The following SHANK2 variants were observed in gnomAD, a reference collection of about 807,000 sequenced individuals.
SHANK2 encodes the protein SH3 and multiple ankyrin repeat domains protein 2.
SHANK2 carries 43 observed loss-of-function variants against 133.7 expected under a neutral mutation model. The ratio of observed to expected loss-of-function variants is 0.32; its 90% confidence interval spans 0.25 to 0.41. The LOEUF (loss-of-function observed/expected upper bound fraction) is 0.41, where lower values mean the gene tolerates loss of function less well. Ranked by LOEUF, SHANK2 falls within the 10% of genes least tolerant of loss-of-function variation. The probability of loss-of-function intolerance (pLI) is 1.00; values close to 1 mark genes in which losing one functional copy is unlikely to be tolerated. For missense variants in SHANK2, 1,994 were observed against 2,235.8 expected (o/e 0.89, Z 2.18); for synonymous variants, 1,017 against 952.8 (o/e 1.07, Z -1.24).
At chr11:70,806,400 T>TCACACA (rs1261746334) in intron 13 of SHANK2, among the ~76,000 whole-genome samples, 16 of 152,246 alleles carry the variant, frequency 1.1e-4, no homozygotes, top group Non-Finnish European at 1.9e-4. Flanking sequence ...ACTTTTATCT[T>TCACACA]CCTGCAGTGC....
intron 2 of SHANK2, among the ~76,000 whole-genome samples, chr11:71,152,164 G>C (rs1162332357): frequency 6.6e-6 from 1 of 152,212 alleles, no homozygotes; most frequent in Non-Finnish European, 1.5e-5. Context: ...CCAGGCCAGA[G>C]TGCAGGGGTG....
At chr11:70,534,598 G>A (rs952922339) in intron 17 of SHANK2, among the ~76,000 whole-genome samples, 2 of 152,176 alleles carry the variant, frequency 1.3e-5, no homozygotes, top group Non-Finnish European at 2.9e-5. Flanking sequence ...AGGTGTCCTG[G>A]TCTGCAGTCT....
Position 70,861,338 on chromosome 11 carries a change from G to A in SHANK2, c.1174+35163C>T, listed in dbSNP as rs372224763. On this transcript the variant is annotated intron_variant, in intron 11 of 25. Coordinates refer to ENST00000601538, the MANE Select transcript of SHANK2 (RefSeq NM_012309.5). ...ATGCTTTTAAAACACTATAAAACAA[G>A]GTCTGTAATGGCTCTGATGCCTCAA... is the stretch of plus-strand genomic sequence containing the variant. Among the ~76,000 whole-genome samples, 6 of 152,244 alleles carry A rather than the reference G, an allele frequency of 3.9e-5. No individual in the cohort carries two copies. In the East Asian group the frequency reaches 5.8e-4, roughly 15 times the overall value.
chr11:71,178,798 ACACGGTGAAACAC>A (rs367676811), intron 2 of SHANK2, among the ~76,000 whole-genome samples: 481 of 152,280 alleles, frequency 3.2e-3, no homozygotes, highest in Non-Finnish European at 5.3e-3. Flanking sequence ...AGCCTGGCCA[ACACGGTGAAACAC>A]TGTCTCTACT....
At chr11:71,086,384 TATATG>T (rs1279546003) in intron 8 of SHANK2, among the ~76,000 whole-genome samples, 149 of 130,558 alleles carry the variant, frequency 1.1e-3, no homozygotes, top group African/African-American at 3.6e-3. Context: ...ACATTTATAA[TATATG>T]ATATATGATA....
At chr11:70,690,286 C>T (rs1402779735) in intron 15 of SHANK2, among the ~76,000 whole-genome samples, 1 of 151,838 alleles carries the variant, frequency 6.6e-6, no homozygotes, top group Non-Finnish European at 1.5e-5. Flanking sequence ...CAATCAGAAA[C>T]TCCAGGAAAA....
rs2058580007 is a variant in SHANK2, at chr11:70,470,124, G to C, written c.*2745C>G. The C allele has an allele frequency of 6.6e-6, 1 of 152,636 alleles. No homozygotes were observed. 9.5% of individuals were successfully genotyped at this position (152,636 alleles called of 1,614,324 possible). ...CATGTCCCAAAGGGGGAGAACAGTGGGTGGTGATTTGAATGAGGAACTATT... is the reference window on the plus strand; with the variant it reads ...CATGTCCCAAAGGGGGAGAACAGTGCGTGGTGATTTGAATGAGGAACTATT... On this transcript the variant is annotated 3_prime_UTR_variant, in exon 26 of 26. Coordinates refer to ENST00000601538, the MANE Select transcript of SHANK2 (RefSeq NM_012309.5).
At position 70,911,358 on chromosome 11, in the gene SHANK2, A is replaced by C. The variant is rs560268638; in HGVS notation, c.1108-14791T>G. Among the ~76,000 whole-genome samples the C allele has an allele frequency of 5.4e-5, 8 of 149,510 alleles. No individual in the cohort carries two copies. In the East Asian group the frequency reaches 1.2e-3, roughly 22 times the overall value. Reference sequence around the variant, plus strand: ...GCAACATAGTGAGACTCCATCTCAAAAAAAACAAAAAAACAAAAAAACAAA... The same window carrying C: ...GCAACATAGTGAGACTCCATCTCAACAAAAACAAAAAAACAAAAAAACAAA... On this transcript the variant is annotated intron_variant, in intron 10 of 25. Coordinates refer to ENST00000601538, the MANE Select transcript of SHANK2 (RefSeq NM_012309.5).
At chr11:70,731,907 C>T (rs1248797023) in intron 14 of SHANK2, among the ~76,000 whole-genome samples, 4 of 152,184 alleles carry the variant, frequency 2.6e-5, no homozygotes, top group African/African-American at 4.8e-5. Context: ...CGTGCTCTGC[C>T]GGGCTGGGGT....
chr11:70,503,778 A>G (rs1565078241), intron 17 of SHANK2, among the ~76,000 whole-genome samples: 1 of 152,248 alleles, frequency 6.6e-6, no homozygotes, highest in Non-Finnish European at 1.5e-5. Context: ...AATGCTCAGC[A>G]GCAGATGGCC....
Position 71,098,790 on chromosome 11 carries a change from C to T in SHANK2, c.593-4102G>A, listed in dbSNP as rs143542643. 8.4e-4 allele frequency among the ~76,000 whole-genome samples: 128 copies of T among 152,310 alleles called. 1 individual carries two copies. In the East Asian group the frequency reaches 0.021, roughly 25 times the overall value. ...CAGACAAACTCCAAGCAATTCGCATCACTTCTCTGTCCTCAGGGGGTGATG... is the reference window on the plus strand; with the variant it reads ...CAGACAAACTCCAAGCAATTCGCATTACTTCTCTGTCCTCAGGGGGTGATG... On this transcript the variant is annotated intron_variant, in intron 6 of 25. Transcript: ENST00000601538.
At chr11:70,860,847 C>T (rs1949247137) in intron 11 of SHANK2, among the ~76,000 whole-genome samples, 1 of 152,150 alleles carries the variant, frequency 6.6e-6, no homozygotes, top group African/African-American at 2.4e-5. Flanking sequence ...ATGGCAAAAT[C>T]CCATCTCTAT....
At chr11:71,128,057 G>A (rs2135314632) in intron 3 of SHANK2, among the ~76,000 whole-genome samples, 1 of 152,248 alleles carries the variant, frequency 6.6e-6, no homozygotes, top group East Asian at 1.9e-4. Flanking sequence ...GCTGACCACT[G>A]GGCACCTTGG....
chr11:70,840,003 G>C (rs907611299), intron 11 of SHANK2, among the ~76,000 whole-genome samples: 1 of 152,234 alleles, frequency 6.6e-6, no homozygotes, highest in Non-Finnish European at 1.5e-5. Flanking sequence ...AATGTCAAGC[G>C]TGAGGTGGGC....
intron 17 of SHANK2, among the ~76,000 whole-genome samples, chr11:70,550,711 G>T (rs986901577): frequency 1.3e-5 from 2 of 152,172 alleles, no homozygotes; most frequent in Non-Finnish European, 2.9e-5. Context: ...GGTGGTGAAG[G>T]GGGTATACCC....
chr11:70,713,159 A>G (rs1945831199), intron 14 of SHANK2, among the ~76,000 whole-genome samples: 1 of 152,216 alleles, frequency 6.6e-6, no homozygotes, highest in Admixed American at 6.5e-5. Flanking sequence ...CAGCACTCTG[A>G]CACCACACAA....
chr11:70,819,740 A>G (rs2135341248), intron 12 of SHANK2, among the ~76,000 whole-genome samples: 1 of 152,210 alleles, frequency 6.6e-6, no homozygotes, highest in South Asian at 2.1e-4. Context: ...AGACTGACAG[A>G]CATGCCCTCT....
At position 70,487,426 on chromosome 11, in the gene SHANK2, A is replaced by C; in HGVS notation, c.2867T>G (p.Leu956Arg). The change falls in exon 25 of 26, where the codon CTG (leucine) becomes CGG (arginine). Residue 956 changes from leucine to arginine, a missense_variant. Physicochemically the swap from Leu to Arg is moderately radical, Grantham distance 102. Coordinates refer to ENST00000601538, the MANE Select transcript of SHANK2 (RefSeq NM_012309.5). This position sits in a 1 kb window ranked among gnomAD's most constrained non-coding sequence, Gnocchi z 5.8. ...TTCAGAGTCCAAGGAGTAGCGGTCC[A>C]GCTCTCTCCTGAAGTACATCCCCTT... Reference protein sequence around the residue: ...REKGMYFRRELDRYSLDSEDL... With the variant: ...REKGMYFRRERDRYSLDSEDL... 6.2e-7 allele frequency: 1 copy of C among 1,614,118 alleles called. No individual in the cohort carries two copies. The highest frequency in any genetic ancestry group is 1.1e-5 in the South Asian group (1 of 91,088).
At chr11:70,650,846 T>C (rs1555009939) in intron 17 of SHANK2, among the ~76,000 whole-genome samples, 1 of 152,220 alleles carries the variant, frequency 6.6e-6, no homozygotes, top group African/African-American at 2.4e-5. Context: ...TGTGTGTTCC[T>C]CAAGGAACTG....
Sources: allele counts gnomAD v4.1 joint callset (sites outside exome capture counted in the v4.1 genomes callset), GRCh38; gene constraint gnomAD v4.1.1; non-coding constraint Gnocchi (gnomAD v3.1); transcripts MANE v1.5; gene names NCBI Gene and HGNC (gene_info 2026-07-23, HGNC 2026-07-21).